Variants in FOXK1 observed in about 807,000 individuals in gnomAD.
FOXK1 encodes the protein forkhead box protein K1.
A neutral mutation model predicts 51.9 loss-of-function variants in FOXK1; 19 were observed. The ratio of observed to expected loss-of-function variants is 0.37; its 90% confidence interval spans 0.26 to 0.54. The LOEUF (loss-of-function observed/expected upper bound fraction) is 0.54. Among genes scored for constraint, FOXK1 ranks in the 20% least tolerant of loss-of-function variants. FOXK1 has a pLI of 0.87. For synonymous variants in FOXK1, 537 were observed against 482.6 expected, an observed-to-expected ratio of 1.11 and a Z score of -1.48; for missense variants, 870 against 1,032.7, an observed-to-expected ratio of 0.84 and a Z score of 2.16.
rs749985416 is a variant in FOXK1 at position 4,682,686 on chromosome 7, C to T, written c.378C>T (p.Gly126=). 1.4e-5 allele frequency: 22 copies of T among 1,600,282 alleles called. No homozygotes were observed. The highest frequency in any genetic ancestry group is 1.8e-5 in the Non-Finnish European group (21 of 1,177,224). ...FLMRQPSVTI[G]RNSSQGSVDL... is the part of the protein sequence containing the mutation. ...TGCGCCAGCCCAGCGTCACCATCGGCCGCAACTCGTCGCAGGGCTCGGTGG... is the reference window on the plus strand; with the variant it reads ...TGCGCCAGCCCAGCGTCACCATCGGTCGCAACTCGTCGCAGGGCTCGGTGG... The change falls in exon 1 of 9, where the codon GGC becomes GGT. Residue 126 remains glycine, a synonymous_variant. Coordinates refer to ENST00000328914, the MANE Select transcript of FOXK1 (RefSeq NM_001037165.2). This position sits in a 1 kb window ranked among gnomAD's most constrained non-coding sequence, Gnocchi z 7.6.
At position 4,748,835 on chromosome 7, in the gene FOXK1, T is replaced by G. The variant is rs1426757087; in HGVS notation, c.747-5624T>G. ...TAGGGACTACAGGTGTGCACCACCA[T>G]GCCCGGCTAATTTTTGTATTTTTTG... On this transcript the variant is annotated intron_variant, in intron 2 of 8. Coordinates refer to ENST00000328914, the MANE Select transcript of FOXK1 (RefSeq NM_001037165.2). The surrounding 1 kb of genome is among the most constrained non-coding windows in gnomAD (Gnocchi z 4.9). 6.6e-6 allele frequency among the ~76,000 whole-genome samples: 1 copy of G among 152,118 alleles called. No individual in the cohort carries two copies. Among genetic ancestry groups the G allele is most frequent in the Non-Finnish European group, 1.5e-5 (1 of 68,012 alleles).
At chr7:4,750,355 G>A (rs1477998399) in intron 2 of FOXK1, among the ~76,000 whole-genome samples, 1 of 152,128 alleles carries the variant, frequency 6.6e-6, no homozygotes, top group African/African-American at 2.4e-5. Flanking sequence ...GGTGGTCCCT[G>A]TCAGGGAGCA....
At chr7:4,737,479 GGT>G (rs1304284446) in intron 1 of FOXK1, among the ~76,000 whole-genome samples, 1 of 150,582 alleles carries the variant, frequency 6.6e-6, no homozygotes, top group Non-Finnish European at 1.5e-5. Flanking sequence ...TGTGTGCGTG[GGT>G]GTGGGCGTGT....
At chr7:4,736,370 G>C (rs148488308) in intron 1 of FOXK1, among the ~76,000 whole-genome samples, 369 of 151,270 alleles carry the variant, frequency 2.4e-3, no homozygotes, top group Middle Eastern at 6.8e-3. Flanking sequence ...TTTTGTTTTA[G>C]TGAAAACTCA....
rs374135989 is a variant in FOXK1 at position 4,759,548 on chromosome 7, A to G, written c.1649A>G (p.His550Arg). 5 of 1,552,044 alleles carry G rather than the reference A, an allele frequency of 3.2e-6. No homozygotes were observed. The highest frequency in any genetic ancestry group is 2.7e-5 in the African/African-American group (2 of 73,794). Residue 550 changes from histidine to arginine, a missense_variant, in exon 7 of 9, where the codon CAT (histidine) becomes CGT (arginine). This residue lies in a region of FOXK1 where 457 missense variants were observed against 510.8 expected (regional missense o/e 0.89). Transcript: ENST00000328914. ...AGCCAGGGCGCGGCGGGGGGCTCCCATGATGCGGCGGGCGCAGCCGTGCTG... is the reference window on the plus strand; with the variant it reads ...AGCCAGGGCGCGGCGGGGGGCTCCCGTGATGCGGCGGGCGCAGCCGTGCTG... ...LTSQGAAGGS[H>R]DAAGAAVLDL...
chr7:4,724,711 T>A (rs1417235219), intron 1 of FOXK1, among the ~76,000 whole-genome samples: 6 of 152,228 alleles, frequency 3.9e-5, no homozygotes. Flanking sequence ...GTGAAGCTTC[T>A]GTCTCAATGC....
At chr7:4,690,008 G>A (rs1779872157) in intron 1 of FOXK1, among the ~76,000 whole-genome samples, 1 of 152,188 alleles carries the variant, frequency 6.6e-6, no homozygotes, top group African/African-American at 2.4e-5. Context: ...AGGTGGTGCT[G>A]TCTCGCTTCT....
chr7:4,725,914 A>T (rs1049489675), intron 1 of FOXK1, among the ~76,000 whole-genome samples: 6 of 152,108 alleles, frequency 3.9e-5, no homozygotes, highest in Non-Finnish European at 8.8e-5. Context: ...GGGATTCCCC[A>T]TATTAGGAAG....
At chr7:4,740,112 T>C (rs1278599286) in intron 1 of FOXK1, among the ~76,000 whole-genome samples, 4 of 151,514 alleles carry the variant, frequency 2.6e-5, no homozygotes, top group Non-Finnish European at 5.9e-5. Flanking sequence ...CTGGCCAACG[T>C]GGTGAAACCC....
intron 1 of FOXK1, among the ~76,000 whole-genome samples, chr7:4,724,443 GC>G (rs1780353573): frequency 6.6e-6 from 1 of 151,734 alleles, no homozygotes; most frequent in African/African-American, 2.4e-5. Context: ...TGATCTGCGT[GC>G]CTTGGCCTCC....
chr7:4,697,670 TG>T, intron 1 of FOXK1, among the ~76,000 whole-genome samples: 1 of 152,144 alleles, frequency 6.6e-6, no homozygotes, highest in Non-Finnish European at 1.5e-5. Context: ...TCCTGGGTTT[TG>T]GGAATATGAA....
At position 4,731,467 on chromosome 7, in the gene FOXK1, AAG is replaced by A. The variant is rs756282904; in HGVS notation, c.561-9364_561-9363del. Among the ~76,000 whole-genome samples, 15 of 152,138 alleles carry A rather than the reference AAG, an allele frequency of 9.9e-5. No homozygotes were observed. Among genetic ancestry groups the A allele is most frequent in the Non-Finnish European group, 1.8e-4 (12 of 68,032 alleles). On this transcript the variant is annotated intron_variant, in intron 1 of 8. Transcript: ENST00000328914. The surrounding 1 kb of genome is among the most constrained non-coding windows in gnomAD (Gnocchi z 5.3). ...AGCAACATTTAAAGAACCTTTTGAA[AAG>A]AGAGAGGCGGCCGGGCACAGTGGCT...
chr7:4,706,500 C>G (rs941283067), intron 1 of FOXK1, among the ~76,000 whole-genome samples: 1 of 152,046 alleles, frequency 6.6e-6, no homozygotes. Flanking sequence ...GGGGGCCCAT[C>G]GGAGACAGTC....
rs1258863378 is a variant in FOXK1, at chr7:4,756,352, T to C, written c.1051-642T>C. On this transcript the variant is annotated intron_variant, in intron 4 of 8. Transcript: ENST00000328914. The surrounding 1 kb of genome is among the most constrained non-coding windows in gnomAD (Gnocchi z 4.1). Reference sequence around the variant, plus strand: ...CTGGTCTCAAACTCCTGACCTCAGGTAATCCTGCCAGCCTCGGCTTCCCAA... The same window carrying C: ...CTGGTCTCAAACTCCTGACCTCAGGCAATCCTGCCAGCCTCGGCTTCCCAA... 6.6e-6 allele frequency among the ~76,000 whole-genome samples: 1 copy of C among 151,992 alleles called. No individual in the cohort carries two copies. The highest frequency in any genetic ancestry group is 2.0e-4 in the East Asian group (1 of 5,116).
At chr7:4,726,086 C>T (rs1780378020) in intron 1 of FOXK1, among the ~76,000 whole-genome samples, 1 of 151,430 alleles carries the variant, frequency 6.6e-6, no homozygotes, top group Admixed American at 6.6e-5. Flanking sequence ...CATTTGGGGG[C>T]TCTCTTGAGC....
At position 4,707,238 on chromosome 7, in the gene FOXK1, G is replaced by A. The variant is rs80040899; in HGVS notation, c.560+24370G>A. ...GGAAGAGGTGCGGGGAGCTCAGGGC[G>A]TTCGGGGTGGTGTTCTGGTGGAGGG... On this transcript the variant is annotated intron_variant, in intron 1 of 8. Transcript: ENST00000328914. The surrounding 1 kb of genome is among the most constrained non-coding windows in gnomAD (Gnocchi z 4.1). Among the ~76,000 whole-genome samples the A allele has an allele frequency of 8.5e-5, 13 of 152,288 alleles. No individual in the cohort carries two copies. Among genetic ancestry groups the A allele is most frequent in the South Asian group, 8.3e-4 (4 of 4,832 alleles).
intron 1 of FOXK1, among the ~76,000 whole-genome samples, chr7:4,688,161 C>CA (rs1175984398): frequency 6.7e-6 from 1 of 149,900 alleles, no homozygotes; most frequent in Non-Finnish European, 1.5e-5. Flanking sequence ...TCTTCACCCC[C>CA]ATTCACCTTT....
In FOXK1 at chr7:4,730,316, T is replaced by A. The variant is rs186255093; in HGVS notation, c.561-10522T>A. 0.013 allele frequency among the ~76,000 whole-genome samples: 1,965 copies of A among 152,006 alleles called. 24 individuals are homozygous for A. Among genetic ancestry groups the A allele is most frequent in the Middle Eastern group, 0.024 (7 of 292 alleles). ...CAGAGCCGAGTACACTCGGCCAGGG[T>A]GAGTGATGGGCAGGCACAGAGCTGT... is the stretch of plus-strand genomic sequence containing the variant. On this transcript the variant is annotated intron_variant, in intron 1 of 8. Transcript: ENST00000328914. The surrounding 1 kb of genome is among the most constrained non-coding windows in gnomAD (Gnocchi z 4.7).
chr7:4,751,660 G>T (rs768082757), intron 2 of FOXK1, among the ~76,000 whole-genome samples: 31 of 152,248 alleles, frequency 2.0e-4, no homozygotes, highest in Non-Finnish European at 4.4e-5. Flanking sequence ...CAGTTGAATG[G>T]GGCTTATTGA....
Sources: allele counts gnomAD v4.1 joint callset (sites outside exome capture counted in the v4.1 genomes callset), GRCh38; gene constraint gnomAD v4.1.1; regional missense constraint gnomAD v4.1.1; non-coding constraint Gnocchi (gnomAD v3.1); transcripts MANE v1.5; gene names NCBI Gene and HGNC (gene_info 2026-07-23, HGNC 2026-07-21).